Variants in CTNNA2 observed in about 807,000 individuals in gnomAD.
The protein encoded by CTNNA2 is catenin alpha 2.
In CTNNA2, 42 loss-of-function variants were observed where a neutral mutation model predicts 101.0. The ratio of observed to expected loss-of-function variants is 0.42; its 90% CI spans 0.32 to 0.54. CTNNA2 has a LOEUF of 0.54. Ranked by LOEUF, CTNNA2 falls within the 20% of genes least tolerant of loss-of-function variation. The probability of loss-of-function intolerance (pLI) is 0.14; values close to 1 mark genes in which losing one functional copy is unlikely to be tolerated. For missense variants in CTNNA2, 871 were observed against 1,223.1 expected (o/e 0.71, Z 4.29); for synonymous variants, 450 against 456.4 (o/e 0.99, Z 0.18).
chr2:79,761,824 TGA>T (rs2105089473), intron 3 of CTNNA2, among the ~76,000 whole-genome samples: 1 of 152,336 alleles, frequency 6.6e-6, no homozygotes, highest in South Asian at 2.1e-4. Context: ...TTAAAAATAT[TGA>T]TCTGTTTCTC....
intron 2 of CTNNA2, among the ~76,000 whole-genome samples, chr2:79,706,240 G>A (rs1233541499): frequency 6.6e-6 from 1 of 151,924 alleles, no homozygotes; most frequent in Non-Finnish European, 1.5e-5. Flanking sequence ...GCGGGCGCCT[G>A]TAGTCCCAGC....
At chr2:80,210,264 G>A (rs1707800792) in intron 7 of CTNNA2, among the ~76,000 whole-genome samples, 1 of 152,098 alleles carries the variant, frequency 6.6e-6, no homozygotes, top group African/African-American at 2.4e-5. Flanking sequence ...TGCACAACGT[G>A]CAGGTTTGTT....
intron 18 of CTNNA2, among the ~76,000 whole-genome samples, chr2:80,635,635 G>C (rs1672793266): frequency 1.3e-5 from 2 of 152,178 alleles, no homozygotes; most frequent in South Asian, 4.2e-4. Context: ...CTCTTAATTG[G>C]AGCAATGATT....
intron 2 of CTNNA2, among the ~76,000 whole-genome samples, chr2:79,665,108 C>CTT (rs2104548988): frequency 6.6e-6 from 1 of 152,206 alleles, no homozygotes; most frequent in South Asian, 2.1e-4. Context: ...GAAAGAAGTT[C>CTT]TTTCAATCTC....
chr2:80,271,421 C>CTTT (rs201098852), intron 7 of CTNNA2, among the ~76,000 whole-genome samples: 2 of 139,812 alleles, frequency 1.4e-5, no homozygotes, highest in East Asian at 2.1e-4. Flanking sequence ...TATCCTCAGT[C>CTTT]TTTTTTTTTT....
chr2:80,611,346 A>C (rs896969149), intron 17 of CTNNA2, among the ~76,000 whole-genome samples: 1 of 150,052 alleles, frequency 6.7e-6, no homozygotes, highest in African/African-American at 2.4e-5. Flanking sequence ...GCATAAAAGA[A>C]GAAGGTAGAA....
At chr2:80,156,302 C>T (rs375090218) in intron 7 of CTNNA2, among the ~76,000 whole-genome samples, 12 of 152,310 alleles carry the variant, frequency 7.9e-5, no homozygotes, top group Middle Eastern at 3.4e-3. Flanking sequence ...CAAGTCCTCA[C>T]GTTAGAAATA....
chr2:79,356,633 A>C (rs908992038), intron 3 of CTNNA2, among the ~76,000 whole-genome samples: 2 of 152,208 alleles, frequency 1.3e-5, no homozygotes, highest in Non-Finnish European at 1.5e-5. Flanking sequence ...CAGACCAAAA[A>C]ATACAACCCA....
intron 1 of CTNNA2, among the ~76,000 whole-genome samples, chr2:79,513,512 A>C (rs1671643714): frequency 1.3e-5 from 2 of 149,254 alleles, no homozygotes; most frequent in African/African-American, 5.0e-5. Context: ...CCCCTTTCTT[A>C]CCTCTTCCCC....
chr2:80,566,442 G>T (rs1277402319), intron 12 of CTNNA2, among the ~76,000 whole-genome samples: 1 of 152,124 alleles, frequency 6.6e-6, no homozygotes, highest in Non-Finnish European at 1.5e-5. Flanking sequence ...ATACATATTT[G>T]CAAATACATG....
At position 79,317,193 on chromosome 2, in the gene CTNNA2, G is replaced by C. The variant is rs562731367; in HGVS notation, c.-318+4397G>C. ...TGTGGCTATTGTTCTTTGTTCTACT[G>C]ATGTGGTGCATTCCATAAAATGATT... On this transcript the variant is annotated intron_variant, in intron 3 of 21. Transcript: ENST00000466387. Among the ~76,000 whole-genome samples the C allele has an allele frequency of 9.9e-5, 15 of 152,106 alleles. 1 individual carries two copies. Among genetic ancestry groups the C allele is most frequent in the African/African-American group, 3.6e-4 (15 of 41,522 alleles).
At chr2:80,594,505 A>C (rs2149749267) in intron 15 of CTNNA2, among the ~76,000 whole-genome samples, 1 of 151,958 alleles carries the variant, frequency 6.6e-6, no homozygotes, top group South Asian at 2.1e-4. Flanking sequence ...ACAAGTTTTT[A>C]ATCTTGAAGT....
chr2:79,719,143 T>G, intron 2 of CTNNA2, among the ~76,000 whole-genome samples: 1 of 152,160 alleles, frequency 6.6e-6, no homozygotes, highest in East Asian at 1.9e-4. Flanking sequence ...ACATGCAGTA[T>G]TTGGTTAATT....
intron 13 of CTNNA2, chr2:80,579,350 T>A (rs181395477): frequency 6.6e-6 from 1 of 152,318 alleles, no homozygotes; most frequent in Admixed American, 6.5e-5. Flanking sequence ...TGTCATATTC[T>A]GCTTATTTTT....
intron 2 of CTNNA2, among the ~76,000 whole-genome samples, chr2:79,684,146 C>T (rs900462172): frequency 5.9e-5 from 9 of 152,068 alleles, no homozygotes; most frequent in African/African-American, 9.7e-5. Context: ...TGTGGCTGTG[C>T]GCAACTGAGT....
intron 1 of CTNNA2, among the ~76,000 whole-genome samples, chr2:79,523,864 A>G (rs969788504): frequency 6.6e-6 from 1 of 152,026 alleles, no homozygotes; most frequent in East Asian, 1.9e-4. Flanking sequence ...TTTCTGTCTA[A>G]TGGCCTAATG....
chr2:80,497,478 A>T (rs964353338), intron 9 of CTNNA2, among the ~76,000 whole-genome samples: 1 of 152,202 alleles, frequency 6.6e-6, no homozygotes, highest in African/African-American at 2.4e-5. Context: ...GACTATGCTC[A>T]TGGGAATATC....
intron 7 of CTNNA2, among the ~76,000 whole-genome samples, chr2:80,188,981 C>G (rs62140138): frequency 7.6e-6 from 1 of 131,192 alleles, no homozygotes; most frequent in African/African-American, 3.0e-5. Context: ...TGAGACAGAG[C>G]CTTACTCTGT....
At chr2:79,246,626 A>C (rs1333708711) in intron 2 of CTNNA2, among the ~76,000 whole-genome samples, 2 of 152,200 alleles carry the variant, frequency 1.3e-5, no homozygotes, top group African/African-American at 4.8e-5. Context: ...TAAACATCAA[A>C]GTTATGGTTT....
Sources: allele counts gnomAD v4.1 joint callset (sites outside exome capture counted in the v4.1 genomes callset), GRCh38; gene constraint gnomAD v4.1.1; transcripts MANE v1.5; gene names NCBI Gene and HGNC (gene_info 2026-07-23, HGNC 2026-07-21).